The following PAPSS2 variants were observed in gnomAD, a reference collection of about 807,000 sequenced individuals.
PAPSS2 encodes bifunctional 3'-phosphoadenosine 5'-phosphosulfate synthase 2.
Under a neutral mutation model 66.5 loss-of-function variants are expected in PAPSS2, and 61 were observed. The ratio of observed to expected loss-of-function variants is 0.92; its 90% CI spans 0.75 to 1.14. The LOEUF is 1.14. Among genes scored for constraint, PAPSS2 ranks in the 50% most tolerant of loss-of-function variants. The pLI is 0.00. For missense variants in PAPSS2, 708 were observed against 789.6 expected, an observed-to-expected ratio of 0.90 and a Z score of 1.24; for synonymous variants, 289 against 287.5, an observed-to-expected ratio of 1.01 and a Z score of -0.05.
chr10:87,672,635 A>G (rs1298318702), intron 1 of PAPSS2, among the ~76,000 whole-genome samples: 2 of 152,164 alleles, frequency 1.3e-5, no homozygotes, highest in Non-Finnish European at 2.9e-5. Flanking sequence ...TGCAGATCAA[A>G]TGTAGAAGCA....
At chr10:87,706,108 A>ATGTGTGTGTGTGTG (rs150079044) in intron 1 of PAPSS2, among the ~76,000 whole-genome samples, 69 of 51,930 alleles carry the variant, frequency 1.3e-3, no homozygotes, top group African/African-American at 1.7e-3. Flanking sequence ...ATATATATAT[A>ATGTGTGTGTGTGTG]TGTGTGTGTG....
At chr10:87,690,574 A>G (rs1047940791) in intron 1 of PAPSS2, among the ~76,000 whole-genome samples, 7 of 152,190 alleles carry the variant, frequency 4.6e-5, no homozygotes, top group African/African-American at 1.7e-4. Context: ...TAAGAAGAAT[A>G]TAGCATGAGC....
chr10:87,663,348 G>C (rs1055548893), intron 1 of PAPSS2, among the ~76,000 whole-genome samples: 2 of 152,050 alleles, frequency 1.3e-5, no homozygotes, highest in Non-Finnish European at 2.9e-5. Context: ...CTGACCTCAG[G>C]TGATTCACCC....
intron 1 of PAPSS2, among the ~76,000 whole-genome samples, chr10:87,699,234 A>G (rs1482863155): frequency 6.7e-6 from 1 of 148,330 alleles, no homozygotes; most frequent in Non-Finnish European, 1.5e-5. Flanking sequence ...GCATTTCATT[A>G]TATATTTTAA....
At position 87,714,861 on chromosome 10, in the gene PAPSS2, C is replaced by G. The variant is rs1056069131; in HGVS notation, c.637C>G (p.Gln213Glu). The change falls in exon 5 of 13, where the codon CAG becomes GAG. Residue 213 changes from glutamine to glutamate, a missense_variant and splice_region_variant. Gln to Glu is a conservative substitution (Grantham distance 29, BLOSUM62 2). Transcript: ENST00000456849. ...CCAGGTAGTGGAACTTCTGCAAGAG[C>G]AGGTAGGTGAACCGGTTGTCTTTTT... Reference protein sequence around the residue: ...VHQVVELLQEQNIVPYTIIKD... With the variant: ...VHQVVELLQEENIVPYTIIKD... The G allele has an allele frequency of 3.0e-5, 48 of 1,585,244 alleles. No individual in the cohort carries two copies. The highest frequency in any genetic ancestry group is 4.1e-5 in the Non-Finnish European group (47 of 1,153,808).
At chr10:87,676,515 A>G (rs1295047004) in intron 1 of PAPSS2, among the ~76,000 whole-genome samples, 2 of 149,892 alleles carry the variant, frequency 1.3e-5, no homozygotes, top group African/African-American at 4.9e-5. Context: ...ATGTTTCATA[A>G]TTATCACCTA....
intron 1 of PAPSS2, among the ~76,000 whole-genome samples, chr10:87,670,519 A>G (rs1171139212): frequency 6.6e-6 from 1 of 152,140 alleles, no homozygotes; most frequent in Non-Finnish European, 1.5e-5. Context: ...TTTCAGCGAT[A>G]GGTACTAGGA....
chr10:87,697,977 C>A (rs1853255744), intron 1 of PAPSS2, among the ~76,000 whole-genome samples: 1 of 152,210 alleles, frequency 6.6e-6, no homozygotes, highest in African/African-American at 2.4e-5. Flanking sequence ...TGCAAACTGT[C>A]TGAATTTGCC....
At chr10:87,731,539 G>A (rs1381557070) in intron 9 of PAPSS2, among the ~76,000 whole-genome samples, 27 of 152,234 alleles carry the variant, frequency 1.8e-4, no homozygotes, top group Non-Finnish European at 1.5e-4. Flanking sequence ...TGATTCCTCA[G>A]ATGAATGTGG....
chr10:87,693,886 C>G (rs1419947231), intron 1 of PAPSS2, among the ~76,000 whole-genome samples: 3 of 152,186 alleles, frequency 2.0e-5, no homozygotes, highest in African/African-American at 7.2e-5. Flanking sequence ...CAGGTCACAG[C>G]AGGTCTCACT....
chr10:87,665,347 A>G (rs991242082), intron 1 of PAPSS2, among the ~76,000 whole-genome samples: 19 of 151,948 alleles, frequency 1.3e-4, no homozygotes, highest in Non-Finnish European at 2.4e-4. Flanking sequence ...GAGTAGCTGG[A>G]ACTACAGGTG....
intron 9 of PAPSS2, among the ~76,000 whole-genome samples, chr10:87,740,526 A>C (rs1276158927): frequency 6.6e-6 from 1 of 152,236 alleles, no homozygotes; most frequent in Non-Finnish European, 1.5e-5. Context: ...TAAATGATTC[A>C]TCCAAAGCAC....
At chr10:87,715,582 C>A in intron 6 of PAPSS2, 150 bp from the exon 7 acceptor site, 2 of 690,228 alleles carry the variant, frequency 2.9e-6, no homozygotes, top group South Asian at 1.6e-5. Context: ...GCCCTTAGAT[C>A]ATGGGTTAGC....
chr10:87,698,471 A>G (rs1257527751), intron 1 of PAPSS2, among the ~76,000 whole-genome samples: 1 of 152,088 alleles, frequency 6.6e-6, no homozygotes, highest in African/African-American at 2.4e-5. Flanking sequence ...ATTTCTCTCA[A>G]TTTTCACAAC....
chr10:87,740,269 A>T (rs912253614), intron 9 of PAPSS2, among the ~76,000 whole-genome samples: 1 of 133,202 alleles, frequency 7.5e-6, no homozygotes, highest in African/African-American at 3.3e-5. Flanking sequence ...CTTTTTGATG[A>T]GACTAGTAGT....
At chr10:87,672,293 C>T (rs1038147713) in intron 1 of PAPSS2, among the ~76,000 whole-genome samples, 1 of 152,128 alleles carries the variant, frequency 6.6e-6, no homozygotes, top group Non-Finnish European at 1.5e-5. Context: ...TGGACTGCAC[C>T]AAGTTAACTG....
intron 1 of PAPSS2, among the ~76,000 whole-genome samples, chr10:87,708,432 C>A (rs943816623): frequency 6.6e-6 from 1 of 152,098 alleles, no homozygotes; most frequent in Admixed American, 6.6e-5. Flanking sequence ...ATGGGAGCAA[C>A]GGGGATATTA....
chr10:87,739,305 G>T (rs1362445245), intron 9 of PAPSS2, among the ~76,000 whole-genome samples: 1 of 152,132 alleles, frequency 6.6e-6, no homozygotes, highest in Non-Finnish European at 1.5e-5. Flanking sequence ...CCTTGTCAAA[G>T]ATTATTTTTA....
chr10:87,732,230 AG>A (rs1464412070), intron 9 of PAPSS2, among the ~76,000 whole-genome samples: 1 of 152,232 alleles, frequency 6.6e-6, no homozygotes, highest in African/African-American at 2.4e-5. Flanking sequence ...TTTAGCAAAA[AG>A]GTATTTTTAA....
Sources: gnomAD v4.1 joint callset for allele counts (sites outside exome capture counted in the v4.1 genomes callset) on GRCh38, gnomAD v4.1.1 for gene constraint, MANE v1.5 for transcripts, NCBI Gene and HGNC (gene_info 2026-07-23, HGNC 2026-07-21) for gene names.